SF3B2: variants seen among roughly 807,000 people sequenced by gnomAD.
SF3B2 encodes SAP 145.
In SF3B2, 22 loss-of-function variants were observed where a neutral mutation model predicts 116.3. The ratio of observed to expected loss-of-function variants is 0.19; its 90% CI spans 0.14 to 0.27. The LOEUF (loss-of-function observed/expected upper bound fraction) is 0.27. Among genes scored for constraint, SF3B2 ranks in the 10% least tolerant of loss-of-function variants. The probability of loss-of-function intolerance (pLI) is 1.00; values close to 1 mark genes in which losing one functional copy is unlikely to be tolerated. For missense variants in SF3B2, 767 were observed against 1,151.4 expected, an observed-to-expected ratio of 0.67 and a Z score of 4.83; for synonymous variants, 406 against 421.6, an observed-to-expected ratio of 0.96 and a Z score of 0.45.
rs1337127816 is a variant in SF3B2 at position 66,061,909 on chromosome 11, C to T, written c.1888C>T (p.Pro630Ser). ...PVGPNAHKVPPPWLIAMQRYG... is the reference protein window; with the variant it reads ...PVGPNAHKVPSPWLIAMQRYG... ...CCTGCAGAATGCCCACAAGGTCCCT[C>T]CCCCATGGCTGATTGCCATGCAGCG... The change falls in exon 16 of 22, where the codon CCC becomes TCC. Residue 630 changes from proline (P) to serine (S), a missense_variant. Physicochemically the swap from Pro to Ser is moderately conservative, Grantham distance 74 (BLOSUM62 -1). Coordinates refer to ENST00000322535, the MANE Select transcript of SF3B2 (RefSeq NM_006842.3). 4.3e-6 allele frequency: 7 copies of T among 1,613,070 alleles called. No individual in the cohort carries two copies. Among genetic ancestry groups the T allele is most frequent in the Non-Finnish European group, 5.9e-6 (7 of 1,179,496 alleles).
At chr11:66,060,953 C>T (rs1357676153) in intron 14 of SF3B2, among the ~76,000 whole-genome samples, 1 of 152,148 alleles carries the variant, frequency 6.6e-6, no homozygotes, top group African/African-American at 2.4e-5. Context: ...GCACACCACA[C>T]CTGGCTAATT....
At chr11:66,053,137 T>C in intron 3 of SF3B2, 33 bp downstream of exon 3, 3 of 1,586,356 alleles carry the variant, frequency 1.9e-6, no homozygotes, top group Non-Finnish European at 2.6e-6. Context: ...TAAGATTCCA[T>C]CTGCTGATCC....
chr11:66,068,666 C>T lies in SF3B2; in HGVS notation c.2617-8C>T, dbSNP rs779736062. The T allele has an allele frequency of 1.2e-6, 2 of 1,613,810 alleles. No homozygotes were observed. Among genetic ancestry groups the T allele is most frequent in the Admixed American group, 1.7e-5 (1 of 59,982 alleles). On this transcript the variant is annotated splice_polypyrimidine_tract_variant and splice_region_variant and intron_variant, in intron 21 of 21. Coordinates refer to ENST00000322535, the MANE Select transcript of SF3B2 (RefSeq NM_006842.3). ...TGTCTTAACCTGTGTCTCTTTCTCC[C>T]TATACAGCAAAAAAAACGGAAAGCT... is the stretch of plus-strand genomic sequence containing the variant.
intron 3 of SF3B2, 117 bp downstream of exon 3, chr11:66,053,221 G>A (rs1212276549): frequency 7.2e-6 from 7 of 967,992 alleles, no homozygotes; most frequent in South Asian, 6.5e-5. Flanking sequence ...CACATTACTC[G>A]CCTGACCTGA....
intron 13 of SF3B2, among the ~76,000 whole-genome samples, 160 bp from the exon 14 acceptor site, chr11:66,060,422 G>C (rs558499083): frequency 4.7e-4 from 72 of 152,244 alleles, no homozygotes; most frequent in African/African-American, 1.5e-3. Context: ...TGTTCAGTAT[G>C]GATTATGTAA....
Position 66,058,967 on chromosome 11 carries a change from G to A in SF3B2, c.1104G>A (p.Glu368=). 1 of 1,614,190 alleles carries A rather than the reference G, an allele frequency of 6.2e-7. No homozygotes were observed. Among genetic ancestry groups the A allele is most frequent in the East Asian group, 2.2e-5 (1 of 44,888 alleles). Reference sequence around the variant, plus strand: ...CTGATTCCCCAGCAGCTGATGTTGAGATTGAGTATGTGACTGAAGAACCTG... The same window carrying A: ...CTGATTCCCCAGCAGCTGATGTTGAAATTGAGTATGTGACTGAAGAACCTG... ...RGSDSPAADV[E]IEYVTEEPEI... The change falls in exon 10 of 22, where the codon GAG becomes GAA. Residue 368 remains glutamate (E), a synonymous_variant. Coordinates refer to ENST00000322535, the MANE Select transcript of SF3B2 (RefSeq NM_006842.3).
Position 66,059,104 on chromosome 11 carries a change from G to A in SF3B2, c.1182+59G>A. 1 of 1,607,566 alleles carries A rather than the reference G, an allele frequency of 6.2e-7. No individual in the cohort carries two copies. The highest frequency in any genetic ancestry group is 8.5e-7 in the Non-Finnish European group (1 of 1,175,108). On this transcript the variant is annotated intron_variant, in intron 10 of 21. Transcript: ENST00000322535. This position sits in a 1 kb window ranked among gnomAD's most constrained non-coding sequence, Gnocchi z 5.0. Reference sequence around the variant, plus strand: ...CAAACAGGGAAGGGGCTCAGAGGTGGGTGAGAGGCAGCGGTGAACAGGCAT... The same window carrying A: ...CAAACAGGGAAGGGGCTCAGAGGTGAGTGAGAGGCAGCGGTGAACAGGCAT...
chr11:66,061,066 G>GT (rs562803248), intron 14 of SF3B2, among the ~76,000 whole-genome samples: 2 of 152,128 alleles, frequency 1.3e-5, no homozygotes, highest in Non-Finnish European at 2.9e-5. Context: ...AAAGTGCTGG[G>GT]TTTATAGGCA....
intron 2 of SF3B2, 39 bp downstream of exon 2, chr11:66,052,758 T>C (rs1856907496): frequency 3.3e-6 from 5 of 1,534,468 alleles, no homozygotes; most frequent in Middle Eastern, 3.5e-4. Context: ...AGGCCGAGCT[T>C]CTCCAGGAGA....
intron 5 of SF3B2, among the ~76,000 whole-genome samples, chr11:66,056,475 A>G (rs1378748630): frequency 6.6e-6 from 1 of 150,668 alleles, no homozygotes; most frequent in East Asian, 1.9e-4. Context: ...ATTGTGCTGG[A>G]TCTTGAGGGG....
At position 66,062,785 on chromosome 11, in the gene SF3B2, T is replaced by C. The variant is rs141084125; in HGVS notation, c.1978-224T>C. ...AAAGACTCTGCCATGACAGAAGTTATTAGCATACTTTCTGCCTCCTGTCTC... is the reference window on the plus strand; with the variant it reads ...AAAGACTCTGCCATGACAGAAGTTACTAGCATACTTTCTGCCTCCTGTCTC... On this transcript the variant is annotated intron_variant, in intron 16 of 21. Coordinates refer to ENST00000322535, the MANE Select transcript of SF3B2 (RefSeq NM_006842.3). Among the ~76,000 whole-genome samples, 4 of 152,338 alleles carry C rather than the reference T, an allele frequency of 2.6e-5. No homozygotes were observed. In the East Asian group the frequency reaches 7.7e-4, roughly 29 times the overall value.
chr11:66,063,751 G>T lies in SF3B2; in HGVS notation c.2330+22G>T. The T allele has an allele frequency of 2.6e-6, 4 of 1,558,698 alleles. No individual in the cohort carries two copies. The South Asian group carries it at 4.7e-5, about 18-fold the overall frequency. On this transcript the variant is annotated intron_variant, in intron 19 of 21. Coordinates refer to ENST00000322535, the MANE Select transcript of SF3B2 (RefSeq NM_006842.3). ...ACGGGTAAGGGTACCAGACAGGGCT[G>T]AGAGGGGAGGACCTTCACTTCCCTT...
intron 13 of SF3B2, 50 bp from the exon 14 acceptor site, chr11:66,060,532 A>G (rs766262837): frequency 5.0e-6 from 8 of 1,606,022 alleles, no homozygotes; most frequent in Non-Finnish European, 6.8e-6. Flanking sequence ...GATTCTCTAC[A>G]TGAATTTGGT....
intron 19 of SF3B2, 85 bp downstream of exon 19, chr11:66,063,814 C>A: frequency 8.9e-7 from 1 of 1,121,684 alleles, no homozygotes; most frequent in Non-Finnish European, 1.3e-6. Context: ...TCTCCCTCAT[C>A]CTTTTTTAAA....
intron 5 of SF3B2, 45 bp from the exon 6 acceptor site, chr11:66,056,793 C>G: frequency 6.8e-7 from 1 of 1,463,504 alleles, no homozygotes; most frequent in Non-Finnish European, 9.6e-7. Context: ...GGCTGCCTGC[C>G]AAATGCGTTT....
chr11:66,067,228 G>C (rs1443642774), intron 19 of SF3B2: 3 of 358,632 alleles, frequency 8.4e-6, no homozygotes, highest in Non-Finnish European at 1.6e-5. Flanking sequence ...TGTGGACAGA[G>C]TATAGTGAGG....
intron 5 of SF3B2, 198 bp downstream of exon 5, chr11:66,055,783 C>A (rs760119549): frequency 1.5e-5 from 8 of 532,512 alleles, no homozygotes; most frequent in Non-Finnish European, 2.3e-5. Context: ...TGTGTATGGC[C>A]TATGAGCTAA....
At chr11:66,060,802 G>A in intron 14 of SF3B2, 71 bp downstream of exon 14, 2 of 1,507,326 alleles carry the variant, frequency 1.3e-6, no homozygotes, top group Non-Finnish European at 1.8e-6. Flanking sequence ...TTTTTTGTTT[G>A]TTTGTTTGTT....
At position 66,059,572 on chromosome 11, in the gene SF3B2, T is replaced by C. The variant is rs760980015; in HGVS notation, c.1378T>C (p.Phe460Leu). The C allele has an allele frequency of 1.9e-6, 3 of 1,613,864 alleles. No homozygotes were observed. Among genetic ancestry groups the C allele is most frequent in the Non-Finnish European group, 2.5e-6 (3 of 1,179,992 alleles). Reference protein sequence around the residue: ...SKKKLRRMNRFTVAELKQLVA... With the variant: ...SKKKLRRMNRLTVAELKQLVA... ...GAAGAAGTTGCGCCGAATGAACCGC[T>C]TCACTGTGGCTGAACTCAAGCAGGT... Residue 460 changes from phenylalanine (F) to leucine (L), a missense_variant, in exon 12 of 22, where the codon TTC becomes CTC. By Grantham distance (22) the Phe-to-Leu change is conservative. Around this residue, in one of 4 missense-constraint regions of SF3B2, gnomAD observed 282 missense variants for 568.0 expected, o/e 0.50. Coordinates refer to ENST00000322535, the MANE Select transcript of SF3B2 (RefSeq NM_006842.3). The surrounding 1 kb of genome is among the most constrained non-coding windows in gnomAD (Gnocchi z 5.0).
Sources: allele counts gnomAD v4.1 joint callset (sites outside exome capture counted in the v4.1 genomes callset), GRCh38; gene constraint gnomAD v4.1.1; regional missense constraint gnomAD v4.1.1; non-coding constraint Gnocchi (gnomAD v3.1); transcripts MANE v1.5; gene names NCBI Gene and HGNC (gene_info 2026-07-23, HGNC 2026-07-21).